Variants in BRAF observed in about 807,000 individuals in gnomAD.
BRAF encodes B-Raf proto-oncogene, serine/threonine kinase, also known as serine/threonine-protein kinase B-raf.
BRAF carries 16 observed loss-of-function variants against 104.6 expected under a neutral mutation model. That is an observed-to-expected ratio of 0.15 (90% confidence interval 0.10 to 0.23). The LOEUF is 0.23. Ranked by LOEUF, BRAF falls within the 10% of genes least tolerant of loss-of-function variation. BRAF has a pLI of 1.00. For synonymous variants in BRAF, 310 were observed against 341.6 expected (o/e 0.91, Z 1.02); for missense variants, 541 against 937.3 (o/e 0.58, Z 5.52).
At chr7:140,873,747 A>G (rs939779669) in intron 1 of BRAF, among the ~76,000 whole-genome samples, 2 of 152,174 alleles carry the variant, frequency 1.3e-5, no homozygotes, top group African/African-American at 4.8e-5. Flanking sequence ...GAGCCTCTGC[A>G]TGTTCATGCA....
At chr7:140,873,166 CTTTTTT>C (rs1165344332) in intron 1 of BRAF, among the ~76,000 whole-genome samples, 19 of 99,154 alleles carry the variant, frequency 1.9e-4, no homozygotes, top group South Asian at 4.1e-4. Flanking sequence ...CAGTCTGTGG[CTTTTTT>C]TTTTTTTTTT....
chr7:140,754,418 A>G (rs1170243585), intron 14 of BRAF, among the ~76,000 whole-genome samples, 185 bp from the exon 14 acceptor site: 1 of 152,232 alleles, frequency 6.6e-6, no homozygotes, highest in African/African-American at 2.4e-5. Flanking sequence ...TTATAGGAAC[A>G]TATCACTATA....
Position 140,719,428 on chromosome 7 carries a change from A to G in BRAF, c.*7066T>C, listed in dbSNP as rs551931351. 46 of 1,007,786 alleles carry G rather than the reference A, an allele frequency of 4.6e-5. No homozygotes were observed. In the Middle Eastern group the frequency reaches 1.4e-3, roughly 30 times the overall value. The allele number at this position is 1,007,786 out of a possible 1,614,324, so 62.4% of individuals were successfully genotyped here. On this transcript the variant is annotated 3_prime_UTR_variant, in exon 20 of 20. Transcript: ENST00000644969. ...GCCTTTTATATAATACAGTTTTTAAATAACTTTACACAGAAATAAATTTCT... is the reference window on the plus strand; with the variant it reads ...GCCTTTTATATAATACAGTTTTTAAGTAACTTTACACAGAAATAAATTTCT...
intron 14 of BRAF, among the ~76,000 whole-genome samples, chr7:140,770,844 A>G (rs1421027308): frequency 2.0e-5 from 3 of 151,608 alleles, no homozygotes; most frequent in Admixed American, 2.0e-4. Context: ...GAGGCAGGAG[A>G]ATCGCTTGAA....
chr7:140,780,805 T>C (rs1352829182), intron 12 of BRAF: 1 of 152,236 alleles, frequency 6.6e-6, no homozygotes, highest in Non-Finnish European at 1.5e-5. Context: ...CTACTCTTAA[T>C]ATAATCCAAT....
chr7:140,815,366 C>T (rs560195504), intron 3 of BRAF, among the ~76,000 whole-genome samples: 4 of 150,988 alleles, frequency 2.6e-5, no homozygotes, highest in South Asian at 2.1e-4. Context: ...AAGATGGTCT[C>T]GATCTCCTGA....
At chr7:140,803,946 A>C (rs1029235169) in intron 5 of BRAF, among the ~76,000 whole-genome samples, 1 of 152,164 alleles carries the variant, frequency 6.6e-6, no homozygotes, top group Non-Finnish European at 1.5e-5. Context: ...GTACAGTGGC[A>C]GGATCTCGGC....
intron 3 of BRAF, among the ~76,000 whole-genome samples, chr7:140,812,385 G>T (rs1804378214): frequency 6.6e-6 from 1 of 152,032 alleles, no homozygotes; most frequent in Non-Finnish European, 1.5e-5. Flanking sequence ...CCCATTATTT[G>T]TAAGATAAAA....
chr7:140,731,010 G>A (rs772314650), intron 19 of BRAF: 1 of 151,858 alleles, frequency 6.6e-6, no homozygotes, highest in Non-Finnish European at 1.5e-5. Context: ...CTTTCAAGCA[G>A]TTTCTTTTTT....
At chr7:140,852,205 T>C (rs1161544761) in intron 1 of BRAF, among the ~76,000 whole-genome samples, 1 of 151,432 alleles carries the variant, frequency 6.6e-6, no homozygotes, top group Non-Finnish European at 1.5e-5. Context: ...CCCATCTCCA[T>C]AAAAAATACA....
chr7:140,793,730 A>G (rs1802227975), intron 8 of BRAF, among the ~76,000 whole-genome samples: 1 of 152,048 alleles, frequency 6.6e-6, no homozygotes, highest in Non-Finnish European at 1.5e-5. Context: ...GGCTCAAGCA[A>G]TCCTCCCACC....
chr7:140,773,129 T>G (rs1490170582), intron 14 of BRAF: 2 of 152,168 alleles, frequency 1.3e-5, no homozygotes, highest in African/African-American at 2.4e-5. Flanking sequence ...AGGGGAGAGA[T>G]AATCTTGCAT....
chr7:140,749,451 C>A (rs753744703), intron 16 of BRAF, 33 bp from the exon 16 acceptor site: 1 of 1,608,806 alleles, frequency 6.2e-7, no homozygotes, highest in South Asian at 1.1e-5. Flanking sequence ...ATATTCTTCA[C>A]TTCAATTGAA....
chr7:140,846,681 G>A (rs1414898753), intron 2 of BRAF, among the ~76,000 whole-genome samples: 2 of 151,804 alleles, frequency 1.3e-5, no homozygotes, highest in African/African-American at 4.8e-5. Context: ...AATTTTGTTA[G>A]GCATATTTTA....
intron 6 of BRAF, 108 bp from the exon 7 acceptor site, chr7:140,800,589 C>T: frequency 6.5e-7 from 1 of 1,546,894 alleles, no homozygotes; most frequent in South Asian, 1.1e-5. Flanking sequence ...TTCTCAGAAA[C>T]AACTGTTAAA....
intron 1 of BRAF, among the ~76,000 whole-genome samples, chr7:140,862,740 C>T (rs2129084737): frequency 6.6e-6 from 1 of 152,268 alleles, no homozygotes; most frequent in South Asian, 2.1e-4. Flanking sequence ...CAGAGAATGA[C>T]TGCTAATAAA....
At chr7:140,779,168 T>C (rs1015362585) in intron 12 of BRAF, among the ~76,000 whole-genome samples, 5 of 152,132 alleles carry the variant, frequency 3.3e-5, no homozygotes, top group Admixed American at 3.3e-4. Context: ...TGGTTACCCT[T>C]GGGAGAGAGG....
At position 140,720,993 on chromosome 7, in the gene BRAF, G is replaced by A. The variant is rs1001554578; in HGVS notation, c.*5501C>T. ...ACTCGGCTGGCCGGGAGAAGCAGAT[G>A]GTTTGTACAAACATTTTTTGATACT... On this transcript the variant is annotated 3_prime_UTR_variant, in exon 20 of 20. Transcript: ENST00000644969. The A allele has an allele frequency of 1.9e-6, 2 of 1,063,892 alleles. No homozygotes were observed. The highest frequency in any genetic ancestry group is 3.3e-5 in the African/African-American group (2 of 60,950). The allele number at this position is 1,063,892 out of a possible 1,614,324, so 65.9% of individuals were successfully genotyped here. A position where few individuals can be genotyped will look rare whatever the true frequency, so the allele number is the denominator to read the frequency against.
At chr7:140,805,251 A>C (rs1239929757) in intron 5 of BRAF, among the ~76,000 whole-genome samples, 1 of 152,124 alleles carries the variant, frequency 6.6e-6, no homozygotes, top group Non-Finnish European at 1.5e-5. Context: ...TATTTTCTTC[A>C]CCTTTTTTCC....
Sources: gnomAD v4.1 joint callset for allele counts (sites outside exome capture counted in the v4.1 genomes callset) on GRCh38, gnomAD v4.1.1 for gene constraint, MANE v1.5 for transcripts, NCBI Gene and HGNC (gene_info 2026-07-23, HGNC 2026-07-21) for gene names.